Variants in MTUS1 observed in about 807,000 individuals in gnomAD.
The protein encoded by MTUS1 is microtubule associated scaffold protein 1, also known as microtubule-associated tumor suppressor 1.
Under a neutral mutation model 120.8 loss-of-function variants are expected in MTUS1, and 109 were observed. That is an observed-to-expected ratio of 0.90 (90% CI 0.77 to 1.06). The LOEUF (loss-of-function observed/expected upper bound fraction) is 1.06. Ranked by LOEUF, MTUS1 falls within the 50% of genes least tolerant of loss-of-function variation. The pLI is 0.00. For missense variants in MTUS1, 2,210 were observed against 1,486.3 expected (o/e 1.49, Z -8.01); for synonymous variants, 737 against 550.5 (o/e 1.34, Z -4.74).
At chr8:17,722,335 C>G in intron 4 of MTUS1, 1 of 966,322 alleles carries the variant, frequency 1.0e-6, no homozygotes, top group Non-Finnish European at 1.2e-6. Context: ...TTTTCTAGAG[C>G]ATGTTGGTGA....
At chr8:17,690,178 A>G (rs901115925) in intron 6 of MTUS1, among the ~76,000 whole-genome samples, 7 of 152,224 alleles carry the variant, frequency 4.6e-5, no homozygotes, top group African/African-American at 1.7e-4. Context: ...ACTAGCAAGA[A>G]AAAATACAAC....
chr8:17,727,480 G>T (rs543404623), intron 3 of MTUS1, among the ~76,000 whole-genome samples: 1 of 152,158 alleles, frequency 6.6e-6, no homozygotes, highest in African/African-American at 2.4e-5. Flanking sequence ...CTCCTACAGC[G>T]GAATGGTGAA....
intron 6 of MTUS1, among the ~76,000 whole-genome samples, chr8:17,700,936 T>C (rs982046442): frequency 1.3e-5 from 2 of 152,196 alleles, no homozygotes; most frequent in African/African-American, 4.8e-5. Flanking sequence ...TGCATAGAAA[T>C]GTGTTTTTTT....
chr8:17,682,782 T>A (rs1054897847), intron 7 of MTUS1, among the ~76,000 whole-genome samples: 3 of 152,210 alleles, frequency 2.0e-5, no homozygotes, highest in African/African-American at 7.2e-5. Context: ...CCACATTTGA[T>A]AGTATACAGT....
At chr8:17,647,916 T>C (rs903172824) in intron 13 of MTUS1, among the ~76,000 whole-genome samples, 1 of 152,212 alleles carries the variant, frequency 6.6e-6, no homozygotes, top group African/African-American at 2.4e-5. Flanking sequence ...TTTGAGTATG[T>C]TGCTTAGTTT....
intron 6 of MTUS1, chr8:17,697,763 T>A: frequency 1.0e-6 from 1 of 985,210 alleles, no homozygotes; most frequent in Admixed American, 6.1e-5. Context: ...CAACCAATAA[T>A]GTCACAGATC....
chr8:17,785,401 G>A (rs182319277), intron 1 of MTUS1, among the ~76,000 whole-genome samples: 2 of 152,280 alleles, frequency 1.3e-5, no homozygotes, highest in South Asian at 2.1e-4. Flanking sequence ...GCAGGTGAGT[G>A]CTTCTCAGCC....
chr8:17,783,550 T>C (rs1414193048), intron 1 of MTUS1, among the ~76,000 whole-genome samples: 1 of 152,086 alleles, frequency 6.6e-6, no homozygotes, highest in Admixed American at 6.6e-5. Flanking sequence ...AGATATGCAA[T>C]GCGCATGCTG....
At chr8:17,727,320 G>A (rs1475609877) in intron 3 of MTUS1, among the ~76,000 whole-genome samples, 1 of 152,162 alleles carries the variant, frequency 6.6e-6, no homozygotes, top group South Asian at 2.1e-4. Flanking sequence ...CACATACCCG[G>A]CCAGTGACAG....
At chr8:17,775,011 T>C (rs970037778) in intron 1 of MTUS1, among the ~76,000 whole-genome samples, 1 of 137,180 alleles carries the variant, frequency 7.3e-6, no homozygotes, top group Non-Finnish European at 1.6e-5. Flanking sequence ...AGGACAAATA[T>C]TGGATGATTC....
intron 1 of MTUS1, among the ~76,000 whole-genome samples, chr8:17,779,780 G>A (rs2131513119): frequency 6.6e-6 from 1 of 152,342 alleles, no homozygotes; most frequent in East Asian, 1.9e-4. Flanking sequence ...ACATCCAAGT[G>A]TTGGAGGGGG....
At chr8:17,751,597 C>T (rs1033468480) in intron 2 of MTUS1, among the ~76,000 whole-genome samples, 1 of 151,976 alleles carries the variant, frequency 6.6e-6, no homozygotes, top group African/African-American at 2.4e-5. Context: ...CAGTGGCTCA[C>T]GCCTGTATTC....
chr8:17,687,417 T>A (rs1219891572), intron 6 of MTUS1, among the ~76,000 whole-genome samples: 1 of 152,200 alleles, frequency 6.6e-6, no homozygotes, highest in African/African-American at 2.4e-5. Flanking sequence ...GGGGTTCCCT[T>A]AAATCCTGCA....
At chr8:17,727,799 G>T (rs1563277832) in intron 3 of MTUS1, among the ~76,000 whole-genome samples, 1 of 152,292 alleles carries the variant, frequency 6.6e-6, no homozygotes, top group East Asian at 1.9e-4. Flanking sequence ...CGTGCACTTA[G>T]CATAGACTTA....
rs764907791 is a variant in MTUS1, at chr8:17,675,172, C to CA, written c.2905+13dup. 6.2e-7 allele frequency: 1 copy of CA among 1,613,960 alleles called. No individual in the cohort carries two copies. Among genetic ancestry groups the CA allele is most frequent in the South Asian group, 1.1e-5 (1 of 91,056 alleles). The stretch of plus-strand genomic sequence containing the variant: ...GTCCCATAAAATTTAACAACAACAA[C>CA]AAAAAGCTCTTACCTAGCTCTCCCC... On this transcript the variant is annotated intron_variant, in intron 8 of 14. Coordinates refer to ENST00000693296, the MANE Select transcript of MTUS1 (RefSeq NM_001363059.2).
intron 1 of MTUS1, among the ~76,000 whole-genome samples, chr8:17,775,130 C>A (rs1296672561): frequency 1.3e-5 from 2 of 151,766 alleles, no homozygotes; most frequent in Non-Finnish European, 2.9e-5. Context: ...TAAATGGGTA[C>A]AGTTTCTGTG....
At chr8:17,786,621 T>C (rs143558416) in intron 1 of MTUS1, among the ~76,000 whole-genome samples, 13 of 152,294 alleles carry the variant, frequency 8.5e-5, no homozygotes, top group African/African-American at 2.9e-4. Flanking sequence ...GAAATGAGGA[T>C]GTGTGAGGCA....
rs1822228212 is a variant in MTUS1 at position 17,715,885 on chromosome 8, G to A, written c.2466C>T (p.Val822=). Residue 822 remains valine, a synonymous_variant, in exon 5 of 15, where the codon GTC becomes GTT. Transcript: ENST00000693296. ...TYSNNSGNAA[V]IKYEEKPPKP... ...TTGGAGGTTTCTCCTCATATTTGAT[G>A]ACAGCGGCATTACCAGCTGTAATAA... The A allele has an allele frequency of 6.2e-7, 1 of 1,613,052 alleles. No homozygotes were observed. Among genetic ancestry groups the A allele is most frequent in the Non-Finnish European group, 8.5e-7 (1 of 1,179,748 alleles).
intron 8 of MTUS1, among the ~76,000 whole-genome samples, chr8:17,661,902 A>T (rs1029150799): frequency 1.3e-5 from 2 of 152,182 alleles, no homozygotes; most frequent in African/African-American, 4.8e-5. Context: ...GCTCACACTA[A>T]TGGCTTTCGT....
Sources: allele counts gnomAD v4.1 joint callset (sites outside exome capture counted in the v4.1 genomes callset), GRCh38; gene constraint gnomAD v4.1.1; transcripts MANE v1.5; gene names NCBI Gene and HGNC (gene_info 2026-07-23, HGNC 2026-07-21).